DYRK1A: variants seen among roughly 807,000 people sequenced by gnomAD.
DYRK1A encodes dual specificity tyrosine phosphorylation regulated kinase 1A, also known as dual specificity tyrosine-phosphorylation-regulated kinase 1A.
A neutral mutation model predicts 79.7 loss-of-function variants in DYRK1A; 9 were observed. That is an observed-to-expected ratio of 0.11 (90% CI 0.07 to 0.20). The LOEUF is 0.20. Ranked by LOEUF, DYRK1A falls within the 10% of genes least tolerant of loss-of-function variation. The pLI, the probability that DYRK1A is intolerant of heterozygous loss-of-function variation, is 1.00. For missense variants in DYRK1A, 622 were observed against 956.0 expected (o/e 0.65, Z 4.61); for synonymous variants, 349 against 329.7 (o/e 1.06, Z -0.63).
intron 10 of DYRK1A, 134 bp from the exon 11 acceptor site, chr21:37,505,965 T>C (rs1276717445): frequency 8.7e-7 from 1 of 1,144,502 alleles, no homozygotes; most frequent in African/African-American, 1.6e-5. Flanking sequence ...TGATATACTT[T>C]CAAGTTAATA....
intron 2 of DYRK1A, among the ~76,000 whole-genome samples, chr21:37,434,630 T>C (rs1345121995): frequency 6.6e-6 from 1 of 152,230 alleles, no homozygotes; most frequent in Non-Finnish European, 1.5e-5. Flanking sequence ...TTCCCAGATA[T>C]GAGTATTATT....
Position 37,523,242 on chromosome 21 carries a change from T to C in DYRK1A, c.*10711T>C, listed in dbSNP as rs1290704229. The stretch of plus-strand genomic sequence containing the variant: ...ATTTTGTAGAGTTGAGGTCGCACTT[T>C]TTTGCCCATGCTGGTCTTGAACCCC... On this transcript the variant is annotated 3_prime_UTR_variant, in exon 12 of 12. Transcript: ENST00000647188. 6.6e-6 allele frequency: 1 copy of C among 152,402 alleles called. No individual in the cohort carries two copies. Among genetic ancestry groups the C allele is most frequent in the Non-Finnish European group, 1.5e-5 (1 of 68,048 alleles). The allele number at this position is 152,402 out of a possible 1,614,324, so 9.4% of individuals were successfully genotyped here.
intron 8 of DYRK1A, among the ~76,000 whole-genome samples, chr21:37,495,176 G>GTT (rs1391954913): frequency 6.8e-6 from 1 of 147,870 alleles, no homozygotes; most frequent in East Asian, 1.9e-4. Context: ...GTGTGTGTGT[G>GTT]TGTGTGTGTG....
At chr21:37,441,267 G>A (rs1446104978) in intron 2 of DYRK1A, among the ~76,000 whole-genome samples, 1 of 152,024 alleles carries the variant, frequency 6.6e-6, no homozygotes, top group African/African-American at 2.4e-5. Context: ...ATCTATTAAT[G>A]TCTTTGTATT....
Position 37,440,496 on chromosome 21 carries a change from CTT to C in DYRK1A, c.10+20115_10+20116del, listed in dbSNP as rs1400204456. Among the ~76,000 whole-genome samples the C allele has an allele frequency of 3.9e-5, 6 of 152,214 alleles. No homozygotes were observed. The East Asian group carries it at 9.7e-4, about 25-fold the overall frequency. ...AGCAGAAGCCATTGATTTAAGAACT[CTT>C]TTCCTTTCTAATAGAGATGATTAAT... On this transcript the variant is annotated intron_variant, in intron 2 of 11. Transcript: ENST00000647188.
intron 2 of DYRK1A, among the ~76,000 whole-genome samples, chr21:37,429,490 A>T (rs2050717079): frequency 6.6e-6 from 1 of 152,216 alleles, no homozygotes; most frequent in Non-Finnish European, 1.5e-5. Flanking sequence ...GGAAGCAGGC[A>T]TGTCTTACAT....
chr21:37,453,766 T>A (rs1024090785), intron 2 of DYRK1A, among the ~76,000 whole-genome samples: 1 of 152,196 alleles, frequency 6.6e-6, no homozygotes, highest in East Asian at 1.9e-4. Flanking sequence ...TTTTAAAGTC[T>A]TAAGGTGTTT....
intron 1 of DYRK1A, among the ~76,000 whole-genome samples, chr21:37,369,686 C>T (rs979080065): frequency 3.3e-5 from 5 of 152,206 alleles, no homozygotes; most frequent in Admixed American, 2.0e-4. Context: ...TGAAGGCACA[C>T]TCCTTTTTAC....
intron 1 of DYRK1A, among the ~76,000 whole-genome samples, chr21:37,397,830 C>T (rs2049983174): frequency 6.6e-6 from 1 of 152,022 alleles, no homozygotes; most frequent in African/African-American, 2.4e-5. Context: ...GCCATCTGTG[C>T]CCCAATCGCC....
At chr21:37,377,619 C>A (rs1444984212) in intron 1 of DYRK1A, among the ~76,000 whole-genome samples, 1 of 152,140 alleles carries the variant, frequency 6.6e-6, no homozygotes, top group African/African-American at 2.4e-5. Context: ...TAGGTGTACA[C>A]CACCACACCC....
intron 1 of DYRK1A, among the ~76,000 whole-genome samples, chr21:37,385,091 T>G (rs971752038): frequency 1.3e-5 from 2 of 152,024 alleles, no homozygotes; most frequent in Admixed American, 1.3e-4. Context: ...CATATATACA[T>G]CTACATGAAG....
chr21:37,402,446 C>A (rs2050070231), intron 1 of DYRK1A, among the ~76,000 whole-genome samples: 2 of 152,150 alleles, frequency 1.3e-5, no homozygotes, highest in Admixed American at 1.3e-4. Flanking sequence ...CTTCTGGCTT[C>A]CATTGTTTGT....
In DYRK1A at chr21:37,473,898, A is replaced by G. The variant is rs1034577533; in HGVS notation, c.207+1018A>G. Among the ~76,000 whole-genome samples, 6 of 152,234 alleles carry G rather than the reference A, an allele frequency of 3.9e-5. No homozygotes were observed. In the East Asian group the frequency reaches 9.6e-4, roughly 24 times the overall value. On this transcript the variant is annotated intron_variant, in intron 3 of 11. Transcript: ENST00000647188. ...TTGAGAATTGGGACAGTTGTTCAGA[A>G]TGTCCAAGTTTAGGAAGTGTTTAAT...
intron 2 of DYRK1A, among the ~76,000 whole-genome samples, chr21:37,450,200 G>A (rs912617735): frequency 6.6e-6 from 1 of 152,172 alleles, no homozygotes; most frequent in African/African-American, 2.4e-5. Flanking sequence ...GCAAAGCCCT[G>A]GTTACCAGGG....
At chr21:37,430,238 C>G (rs1248715264) in intron 2 of DYRK1A, 1 of 929,644 alleles carries the variant, frequency 1.1e-6, no homozygotes, top group African/African-American at 1.8e-5. Flanking sequence ...ATCTTTCTTT[C>G]ACTTAATTGA....
In DYRK1A at chr21:37,484,373, G is replaced by A. The variant is rs184775245; in HGVS notation, c.490-2094G>A. On this transcript the variant is annotated intron_variant, in intron 5 of 11. Transcript: ENST00000647188. ...GATGGAGTTTTGCTTTTGTTGCCCA[G>A]GCTGGAGTGCAATGGTGTGATCTTG... Among the ~76,000 whole-genome samples the A allele has an allele frequency of 9.7e-4, 143 of 147,038 alleles. 1 individual carries two copies. The highest frequency in any genetic ancestry group is 3.6e-3 in the African/African-American group (141 of 39,414).
At chr21:37,445,686 A>T (rs1209945190) in intron 2 of DYRK1A, among the ~76,000 whole-genome samples, 1 of 152,202 alleles carries the variant, frequency 6.6e-6, no homozygotes, top group Non-Finnish European at 1.5e-5. Context: ...GATCTCTTGT[A>T]TCATGAACAG....
chr21:37,400,737 G>T (rs527325083), intron 1 of DYRK1A, among the ~76,000 whole-genome samples: 1 of 152,254 alleles, frequency 6.6e-6, no homozygotes, highest in Non-Finnish European at 1.5e-5. Flanking sequence ...ATGAATGATT[G>T]GAATTTATTT....
At chr21:37,497,234 C>T (rs933941909) in intron 9 of DYRK1A, among the ~76,000 whole-genome samples, 13 of 152,144 alleles carry the variant, frequency 8.5e-5, no homozygotes, top group African/African-American at 3.1e-4. Flanking sequence ...GCTATGGAGT[C>T]ATAACTTTTA....
Sources: gnomAD v4.1 joint callset for allele counts (sites outside exome capture counted in the v4.1 genomes callset) on GRCh38, gnomAD v4.1.1 for gene constraint, MANE v1.5 for transcripts, NCBI Gene and HGNC (gene_info 2026-07-23, HGNC 2026-07-21) for gene names.